The following MEGF11 variants were observed in gnomAD, a reference collection of about 807,000 sequenced individuals.
MEGF11 encodes multiple epidermal growth factor-like domains protein 11.
A neutral mutation model predicts 146.6 loss-of-function variants in MEGF11; 126 were observed. The observed-to-expected ratio is 0.86, with a 90% CI of 0.74 to 1.00. The LOEUF (loss-of-function observed/expected upper bound fraction) is 1.00, where lower values mean the gene tolerates loss of function less well. Among genes scored for constraint, MEGF11 ranks in the 50% least tolerant of loss-of-function variants. MEGF11 has a pLI of 0.00. For missense variants in MEGF11, 1,509 were observed against 1,521.2 expected (o/e 0.99, Z 0.13); for synonymous variants, 532 against 583.4 (o/e 0.91, Z 1.27).
chr15:66,002,072 G>T (rs990198742), intron 5 of MEGF11, among the ~76,000 whole-genome samples: 4 of 152,230 alleles, frequency 2.6e-5, no homozygotes, highest in Admixed American at 1.3e-4. Flanking sequence ...AGTTGTTGGG[G>T]ATTGGGTGAG....
intron 5 of MEGF11, among the ~76,000 whole-genome samples, chr15:66,002,213 G>A (rs1034506362): frequency 6.6e-5 from 10 of 152,186 alleles, no homozygotes; most frequent in African/African-American, 1.9e-4. Flanking sequence ...TGCAGAGCTC[G>A]CAGAGGATTT....
intron 5 of MEGF11, among the ~76,000 whole-genome samples, chr15:66,014,648 G>T (rs569694788): frequency 6.6e-6 from 1 of 152,340 alleles, no homozygotes; most frequent in South Asian, 2.1e-4. Context: ...GGCAACTCCA[G>T]GGACAAAGAG....
intron 1 of MEGF11, among the ~76,000 whole-genome samples, chr15:66,173,069 C>G (rs2090304338): frequency 6.6e-6 from 1 of 152,194 alleles, no homozygotes; most frequent in Non-Finnish European, 1.5e-5. Flanking sequence ...CTCAAACGCC[C>G]TCCTCCACAG....
chr15:66,128,173 T>C, intron 2 of MEGF11, 133 bp downstream of exon 2: 7 of 510,038 alleles, frequency 1.4e-5, no homozygotes, highest in Non-Finnish European at 2.4e-5. Flanking sequence ...TCTCAGCATG[T>C]GGGCCATCTC....
At chr15:66,251,286 T>G (rs2092366686) in intron 1 of MEGF11, among the ~76,000 whole-genome samples, 1 of 152,200 alleles carries the variant, frequency 6.6e-6, no homozygotes, top group African/African-American at 2.4e-5. Flanking sequence ...AATGGAAACC[T>G]ACCCGAGGAT....
chr15:65,911,876 G>A (rs2078822824), intron 21 of MEGF11, among the ~76,000 whole-genome samples: 1 of 152,204 alleles, frequency 6.6e-6, no homozygotes, highest in African/African-American at 2.4e-5. Flanking sequence ...TTGGTTACAC[G>A]GCACTCCACA....
At chr15:66,195,476 A>C (rs572923525) in intron 1 of MEGF11, among the ~76,000 whole-genome samples, 24 of 152,174 alleles carry the variant, frequency 1.6e-4, no homozygotes, top group Non-Finnish European at 2.9e-4. Context: ...ACCTAAGACA[A>C]AGGTATGTGT....
chr15:66,063,239 C>T (rs1245222596), intron 5 of MEGF11, among the ~76,000 whole-genome samples: 1 of 152,170 alleles, frequency 6.6e-6, no homozygotes, highest in Non-Finnish European at 1.5e-5. Flanking sequence ...AATATCATTT[C>T]TAAGTGGCCC....
At chr15:66,218,990 A>AAAAAAAAAAAAAAAAAAAAAAAAAAC (rs2091662071) in intron 1 of MEGF11, among the ~76,000 whole-genome samples, 1 of 151,264 alleles carries the variant, frequency 6.6e-6, no homozygotes, top group Non-Finnish European at 1.5e-5. Flanking sequence ...AAAAAAAAAA[A>AAAAAAAAAAAAAAAAAAAAAAAAAAC]AAAAAACCTT....
At chr15:66,094,634 A>T (rs1397827497) in intron 4 of MEGF11, 140 bp from the exon 5 acceptor site, 18 of 657,352 alleles carry the variant, frequency 2.7e-5, no homozygotes, top group South Asian at 6.4e-5. Context: ...TGGGGGGGAA[A>T]ATCAAGCTAC....
At chr15:66,075,181 C>A (rs748497506) in intron 5 of MEGF11, among the ~76,000 whole-genome samples, 2 of 152,162 alleles carry the variant, frequency 1.3e-5, no homozygotes, top group Non-Finnish European at 2.9e-5. Context: ...GTTAGAGAGG[C>A]CCTCTAGAGC....
Position 66,128,429 on chromosome 15 carries a change from G to C in MEGF11, c.-8-18C>G. The stretch of plus-strand genomic sequence containing the variant: ...CCCGGGCCCTGCACAGGAGAACAAA[G>C]GAGGCTGCGTCTGTGATCAGACCAT... On this transcript the variant is annotated intron_variant, in intron 1 of 25. Coordinates refer to ENST00000395614, the MANE Select transcript of MEGF11 (RefSeq NM_001385028.1). 2.9e-6 allele frequency: 4 copies of C among 1,400,930 alleles called. No individual in the cohort carries two copies. The highest frequency in any genetic ancestry group is 3.8e-6 in the Non-Finnish European group (4 of 1,063,784). The allele number at this position is 1,400,930 out of a possible 1,614,324, so 86.8% of individuals were successfully genotyped here.
At chr15:66,148,910 CT>C (rs1370293277) in intron 1 of MEGF11, among the ~76,000 whole-genome samples, 2 of 152,224 alleles carry the variant, frequency 1.3e-5, no homozygotes, top group African/African-American at 2.4e-5. Flanking sequence ...GGACATGGCT[CT>C]GCCATTGAAT....
rs1009810891 is a variant in MEGF11, at chr15:66,072,608, G to C, written c.394+21794C>G. ...TATTAAATAAGTGACATGTATTCCT[G>C]AGTGAGCGAATGAATGAATGTAATC... On this transcript the variant is annotated intron_variant, in intron 5 of 25. Transcript: ENST00000395614. Among the ~76,000 whole-genome samples the C allele has an allele frequency of 2.6e-5, 4 of 152,320 alleles. 1 individual carries two copies. Among genetic ancestry groups the C allele is most frequent in the East Asian group, 1.9e-4 (1 of 5,192 alleles).
chr15:66,149,457 G>A (rs1380201732), intron 1 of MEGF11, among the ~76,000 whole-genome samples: 4 of 152,132 alleles, frequency 2.6e-5, no homozygotes, highest in East Asian at 3.9e-4. Flanking sequence ...GCCTAGCCTG[G>A]GGAAGAGGTA....
intron 5 of MEGF11, among the ~76,000 whole-genome samples, chr15:66,051,684 C>T (rs747529781): frequency 4.6e-5 from 7 of 152,152 alleles, no homozygotes; most frequent in Non-Finnish European, 7.3e-5. Flanking sequence ...GGGGCATGCT[C>T]GGTGGCTCCT....
chr15:66,196,365 G>C (rs974504410), intron 1 of MEGF11, among the ~76,000 whole-genome samples: 2 of 151,924 alleles, frequency 1.3e-5, no homozygotes, highest in Admixed American at 1.3e-4. Flanking sequence ...CCAGCTACTC[G>C]AGAGGCTGAG....
intron 10 of MEGF11, among the ~76,000 whole-genome samples, chr15:65,951,174 G>A (rs1242523756): frequency 6.6e-6 from 1 of 152,192 alleles, no homozygotes; most frequent in Non-Finnish European, 1.5e-5. Flanking sequence ...CCGAAGAGAG[G>A]AGTATTCAGG....
intron 25 of MEGF11, 175 bp from the exon 26 acceptor site, chr15:65,898,269 T>G (rs1315113297): frequency 1.0e-6 from 1 of 985,266 alleles, no homozygotes; most frequent in Admixed American, 6.2e-5. Flanking sequence ...TAAGTGAATG[T>G]GCTGTCAACA....
Sources: gnomAD v4.1 joint callset for allele counts (sites outside exome capture counted in the v4.1 genomes callset) on GRCh38, gnomAD v4.1.1 for gene constraint, MANE v1.5 for transcripts, NCBI Gene and HGNC (gene_info 2026-07-23, HGNC 2026-07-21) for gene names.